Variants in WWOX observed in about 807,000 individuals in gnomAD.
WWOX encodes WW domain containing oxidoreductase, also known as WW domain-containing oxidoreductase.
Under a neutral mutation model 46.2 loss-of-function variants are expected in WWOX, and 69 were observed. That is an observed-to-expected ratio of 1.49 (90% confidence interval 1.23 to 1.82). The LOEUF (loss-of-function observed/expected upper bound fraction) is 1.82, where lower values mean the gene tolerates loss of function less well. WWOX is among the 40% of genes most tolerant of loss of function. WWOX has a pLI of 0.00. For missense variants in WWOX, 919 were observed against 542.6 expected, an observed-to-expected ratio of 1.69 and a Z score of -6.89; for synonymous variants, 359 against 202.6, an observed-to-expected ratio of 1.77 and a Z score of -6.56.
chr16:78,291,420 G>A (rs181888592), intron 5 of WWOX, among the ~76,000 whole-genome samples: 1 of 152,248 alleles, frequency 6.6e-6, no homozygotes, highest in African/African-American at 2.4e-5. Context: ...GTTCTTGAAC[G>A]TTTGCCCGCG....
chr16:78,724,115 G>A (rs1420929382), intron 8 of WWOX, among the ~76,000 whole-genome samples: 1 of 152,154 alleles, frequency 6.6e-6, no homozygotes, highest in African/African-American at 2.4e-5. Flanking sequence ...GCAGGACGAG[G>A]AGGAAAATGG....
intron 8 of WWOX, among the ~76,000 whole-genome samples, chr16:78,611,564 G>C (rs2045901013): frequency 1.3e-5 from 2 of 152,168 alleles, no homozygotes; most frequent in Admixed American, 6.5e-5. Context: ...ACTGCCCTAA[G>C]CAAGACCAAG....
At position 78,836,341 on chromosome 16, in the gene WWOX, G is replaced by A. The variant is rs80053953; in HGVS notation, c.1057-375267G>A. ...TAAAACCTTATGCTCCATTTGCAAA[G>A]CCAGTGGCCCCAGCAGAGATAGGAG... On this transcript the variant is annotated intron_variant, in intron 8 of 8. Coordinates refer to ENST00000566780, the MANE Select transcript of WWOX (RefSeq NM_016373.4). 1.6e-4 allele frequency among the ~76,000 whole-genome samples: 24 copies of A among 152,236 alleles called. 1 individual carries two copies. In the East Asian group the frequency reaches 4.5e-3, roughly 28 times the overall value.
chr16:78,865,187 G>T (rs1432451048), intron 8 of WWOX, among the ~76,000 whole-genome samples: 1 of 152,258 alleles, frequency 6.6e-6, no homozygotes, highest in East Asian at 1.9e-4. Context: ...ATGTTTGTGC[G>T]ATGGATATGT....
At chr16:78,348,637 C>T (rs1319572389) in intron 5 of WWOX, among the ~76,000 whole-genome samples, 1 of 118,828 alleles carries the variant, frequency 8.4e-6, no homozygotes. Flanking sequence ...ACTACATTTT[C>T]TGTAGAGACG....
intron 8 of WWOX, among the ~76,000 whole-genome samples, chr16:79,149,894 GATCCTTCT>G (rs1336863809): frequency 1.3e-5 from 2 of 152,142 alleles, no homozygotes; most frequent in Non-Finnish European, 2.9e-5. Context: ...AGAGGGTTCA[GATCCTTCT>G]ATCCATCAAC....
At chr16:79,188,598 G>A (rs2051066455) in intron 8 of WWOX, among the ~76,000 whole-genome samples, 1 of 152,198 alleles carries the variant, frequency 6.6e-6, no homozygotes, top group Admixed American at 6.5e-5. Context: ...TCAGTTAAAT[G>A]TTTATCTAGC....
At chr16:78,623,509 A>G (rs925040283) in intron 8 of WWOX, among the ~76,000 whole-genome samples, 1 of 151,916 alleles carries the variant, frequency 6.6e-6, no homozygotes, top group African/African-American at 2.4e-5. Flanking sequence ...CTGAAACCCC[A>G]TCTCTACTAA....
At chr16:78,453,979 A>G (rs1425808758) in intron 8 of WWOX, among the ~76,000 whole-genome samples, 2 of 152,172 alleles carry the variant, frequency 1.3e-5, no homozygotes, top group African/African-American at 4.8e-5. Flanking sequence ...ATTTCACCAC[A>G]CCTGGTTTTT....
At chr16:78,371,768 A>G (rs201120019) in intron 5 of WWOX, among the ~76,000 whole-genome samples, 3 of 152,018 alleles carry the variant, frequency 2.0e-5, no homozygotes, top group South Asian at 4.2e-4. Flanking sequence ...TTCTGCTTTC[A>G]AAATGTTCCT....
At chr16:78,554,106 G>A (rs1567640303) in intron 8 of WWOX, among the ~76,000 whole-genome samples, 1 of 152,140 alleles carries the variant, frequency 6.6e-6, no homozygotes, top group African/African-American at 2.4e-5. Flanking sequence ...TAAACCATGT[G>A]GCACCCCTTC....
Position 79,093,444 on chromosome 16 carries a change from G to C in WWOX, c.1057-118164G>C, listed in dbSNP as rs1347138465. Among the ~76,000 whole-genome samples the C allele has an allele frequency of 2.6e-5, 4 of 152,174 alleles. No homozygotes were observed. The East Asian group carries it at 7.7e-4, about 29-fold the overall frequency. On this transcript the variant is annotated intron_variant, in intron 8 of 8. Coordinates refer to ENST00000566780, the MANE Select transcript of WWOX (RefSeq NM_016373.4). Reference sequence around the variant, plus strand: ...ACCCAACATTTTTCTGTTTGATTTAGATAGAGCTTTTATTTGCCTAAAAAT... The same window carrying C: ...ACCCAACATTTTTCTGTTTGATTTACATAGAGCTTTTATTTGCCTAAAAAT...
At chr16:78,887,468 AACACACACACACACAC>A (rs78503110) in intron 8 of WWOX, among the ~76,000 whole-genome samples, 1,781 of 136,068 alleles carry the variant, frequency 0.013, 24 homozygotes, top group Middle Eastern at 0.035. Flanking sequence ...AAGTATATAA[AACACACACACACACAC>A]ACACACACAC....
chr16:79,051,124 C>T (rs1041995031), intron 8 of WWOX, among the ~76,000 whole-genome samples: 8 of 152,166 alleles, frequency 5.3e-5, no homozygotes, highest in Admixed American at 6.5e-5. Flanking sequence ...CCCTACTCCT[C>T]GGGTTGTTTC....
Position 78,643,224 on chromosome 16 carries a change from C to T in WWOX, c.1056+210472C>T, listed in dbSNP as rs555491333. Among the ~76,000 whole-genome samples the T allele has an allele frequency of 9.9e-5, 15 of 152,196 alleles. 1 individual carries two copies. In the South Asian group the frequency reaches 3.1e-3, roughly 31 times the overall value. On this transcript the variant is annotated intron_variant, in intron 8 of 8. Coordinates refer to ENST00000566780, the MANE Select transcript of WWOX (RefSeq NM_016373.4). ...TAATGTCTAAGAAGTCAAAAAAGGACACGTATGCCTAGAAAACATGAATAA... is the reference window on the plus strand; with the variant it reads ...TAATGTCTAAGAAGTCAAAAAAGGATACGTATGCCTAGAAAACATGAATAA...
rs1253254827 is a variant in WWOX, at chr16:78,369,589, C to T, written c.517-17271C>T. On this transcript the variant is annotated intron_variant, in intron 5 of 8. Transcript: ENST00000566780. Reference sequence around the variant, plus strand: ...CAGTATTGAGGGGCTGGACTGATTTCTCATTAATGTCTGGGCAAAACTCAA... The same window carrying T: ...CAGTATTGAGGGGCTGGACTGATTTTTCATTAATGTCTGGGCAAAACTCAA... Among the ~76,000 whole-genome samples the T allele has an allele frequency of 2.0e-5, 3 of 152,154 alleles. No homozygotes were observed. In the East Asian group the frequency reaches 5.8e-4, roughly 30 times the overall value.
chr16:78,411,035 G>C (rs986761074), intron 6 of WWOX, among the ~76,000 whole-genome samples: 1 of 152,156 alleles, frequency 6.6e-6, no homozygotes, highest in Non-Finnish European at 1.5e-5. Flanking sequence ...ATTGGATTGA[G>C]TAAGCAAGAG....
rs1488475464 is a variant in WWOX, at chr16:78,397,862, T to G, written c.605+10914T>G. ...TTCTATCACCAAAGGGAAATCGTTTTGCTGGAATATGTGTAAAGGAGGTTA... is the reference window on the plus strand; with the variant it reads ...TTCTATCACCAAAGGGAAATCGTTTGGCTGGAATATGTGTAAAGGAGGTTA... On this transcript the variant is annotated intron_variant, in intron 6 of 8. Transcript: ENST00000566780. Among the ~76,000 whole-genome samples, 3 of 152,204 alleles carry G rather than the reference T, an allele frequency of 2.0e-5. No homozygotes were observed. In the East Asian group the frequency reaches 5.8e-4, roughly 29 times the overall value.
At position 79,159,141 on chromosome 16, in the gene WWOX, G is replaced by C. The variant is rs554072657; in HGVS notation, c.1057-52467G>C. ...TTCTCTAAGTAAATATGCCTTAAAA[G>C]TGAATAAAATTTTATTTCGCTTTAA... On this transcript the variant is annotated intron_variant, in intron 8 of 8. Transcript: ENST00000566780. Among the ~76,000 whole-genome samples the C allele has an allele frequency of 1.7e-4, 26 of 152,236 alleles. No individual in the cohort carries two copies. In the South Asian group the frequency reaches 5.2e-3, roughly 30 times the overall value.
Sources: allele counts gnomAD v4.1 joint callset (sites outside exome capture counted in the v4.1 genomes callset), GRCh38; gene constraint gnomAD v4.1.1; transcripts MANE v1.5; gene names NCBI Gene and HGNC (gene_info 2026-07-23, HGNC 2026-07-21).